Variants in CCDC149 observed in about 807,000 individuals in gnomAD.
The protein encoded by CCDC149 is coiled-coil domain-containing protein 149.
Under a neutral mutation model 59.9 loss-of-function variants are expected in CCDC149, and 45 were observed. The observed-to-expected ratio is 0.75, with a 90% confidence interval of 0.59 to 0.96. CCDC149 has a LOEUF of 0.96. Among genes scored for constraint, CCDC149 ranks in the 40% least tolerant of loss-of-function variants. The probability of loss-of-function intolerance (pLI) is 0.00; values close to 1 mark genes in which losing one functional copy is unlikely to be tolerated. For synonymous variants in CCDC149, 245 were observed against 260.6 expected (o/e 0.94, Z 0.58); for missense variants, 584 against 664.7 (o/e 0.88, Z 1.33).
chr4:24,852,320 A>T (rs1717716999), intron 4 of CCDC149, among the ~76,000 whole-genome samples: 1 of 151,046 alleles, frequency 6.6e-6, no homozygotes, highest in Non-Finnish European at 1.5e-5. Context: ...ACACACACAC[A>T]CACACACACA....
At chr4:24,875,260 G>A (rs1272592544) in intron 2 of CCDC149, among the ~76,000 whole-genome samples, 1 of 151,860 alleles carries the variant, frequency 6.6e-6, no homozygotes, top group Non-Finnish European at 1.5e-5. Context: ...AACCTGGGAG[G>A]CGGAGCTTGC....
chr4:24,946,322 C>CT (rs1431630000), intron 1 of CCDC149, among the ~76,000 whole-genome samples: 1 of 152,122 alleles, frequency 6.6e-6, no homozygotes, highest in East Asian at 1.9e-4. Flanking sequence ...CAATAAATCC[C>CT]TTTTTGTAAA....
intron 1 of CCDC149, among the ~76,000 whole-genome samples, chr4:24,931,869 T>C (rs1722603923): frequency 4.5e-5 from 2 of 44,632 alleles, no homozygotes; most frequent in African/African-American, 8.7e-5. Flanking sequence ...TCCATATCCA[T>C]GTCTATATAA....
At chr4:24,866,430 G>A (rs761788440) in intron 3 of CCDC149, among the ~76,000 whole-genome samples, 1 of 152,138 alleles carries the variant, frequency 6.6e-6, no homozygotes, top group African/African-American at 2.4e-5. Flanking sequence ...ATTAACCCGA[G>A]ATAATTTAAT....
chr4:24,870,477 C>A (rs1718973097), intron 3 of CCDC149, among the ~76,000 whole-genome samples: 1 of 152,294 alleles, frequency 6.6e-6, no homozygotes, highest in East Asian at 1.9e-4. Context: ...TGGTTCCAAC[C>A]CAGGCAGGGA....
At chr4:24,974,233 C>T (rs1724078042) in intron 1 of CCDC149, among the ~76,000 whole-genome samples, 1 of 152,190 alleles carries the variant, frequency 6.6e-6, no homozygotes. Flanking sequence ...TTGAGACTCA[C>T]AAGCTTAGGA....
Position 24,912,799 on chromosome 4 carries a change from C to T in CCDC149, c.63+18G>A. ...GCTCGGCCCGGCCCATCCCGCCTGG[C>T]CGGCGCCGCGGCCTCACCTCGCTCA... On this transcript the variant is annotated intron_variant, in intron 1 of 12. Coordinates refer to ENST00000635206, the MANE Select transcript of CCDC149 (RefSeq NM_001330643.2). The T allele has an allele frequency of 7.6e-7, 1 of 1,314,978 alleles. No individual in the cohort carries two copies. The highest frequency in any genetic ancestry group is 9.8e-7 in the Non-Finnish European group (1 of 1,019,260). 81.5% of individuals were successfully genotyped at this position (1,314,978 alleles called of 1,614,324 possible).
At chr4:24,939,163 C>G (rs1480726698) in intron 1 of CCDC149, among the ~76,000 whole-genome samples, 1 of 152,198 alleles carries the variant, frequency 6.6e-6, no homozygotes, top group Non-Finnish European at 1.5e-5. Flanking sequence ...CGGACTGACA[C>G]CTCACACGGC....
At chr4:24,869,556 T>G (rs762410804) in intron 3 of CCDC149, among the ~76,000 whole-genome samples, 21 of 152,210 alleles carry the variant, frequency 1.4e-4, no homozygotes, top group Non-Finnish European at 2.1e-4. Context: ...CCAAGAGCTG[T>G]GCTGGACAGA....
chr4:24,841,533 G>A (rs959955520), intron 4 of CCDC149, among the ~76,000 whole-genome samples: 2 of 152,184 alleles, frequency 1.3e-5, no homozygotes, highest in African/African-American at 2.4e-5. Flanking sequence ...TTAAAAGTGA[G>A]GCCCAAGTTG....
chr4:24,839,415 G>C (rs1716796508), intron 4 of CCDC149, among the ~76,000 whole-genome samples: 1 of 152,118 alleles, frequency 6.6e-6, no homozygotes, highest in South Asian at 2.1e-4. Context: ...TCCTGACCTT[G>C]TGATCCGCCT....
chr4:24,807,887 C>G lies in CCDC149; in HGVS notation c.*502G>C, dbSNP rs1401834889. On this transcript the variant is annotated 3_prime_UTR_variant, in exon 13 of 13. Coordinates refer to ENST00000635206, the MANE Select transcript of CCDC149 (RefSeq NM_001330643.2). The stretch of plus-strand genomic sequence containing the variant: ...ACCCATGCCAGGCAGTCCTCCTGGG[C>G]CCTGACTTGATGGGGTGCAGCCATG... The G allele has an allele frequency of 6.6e-6, 1 of 152,354 alleles. No homozygotes were observed. The allele number at this position is 152,354 out of a possible 1,614,324, so 9.4% of individuals were successfully genotyped here.
intron 1 of CCDC149, among the ~76,000 whole-genome samples, chr4:24,935,334 T>C (rs1160645265): frequency 6.6e-6 from 1 of 152,106 alleles, no homozygotes; most frequent in Non-Finnish European, 1.5e-5. Context: ...AAATTTGGGG[T>C]AAGGGGTAGT....
At chr4:24,978,707 C>A (rs1026840306) in intron 1 of CCDC149, among the ~76,000 whole-genome samples, 1 of 152,170 alleles carries the variant, frequency 6.6e-6, no homozygotes, top group Non-Finnish European at 1.5e-5. Flanking sequence ...CGCCACCCAC[C>A]GCCCACCAGA....
At chr4:24,827,230 TA>T (rs1715808996) in intron 9 of CCDC149, 1 of 152,234 alleles carries the variant, frequency 6.6e-6, no homozygotes, top group Non-Finnish European at 1.5e-5. Context: ...TGAAGGTCTT[TA>T]AGGAAAGCCT....
At chr4:24,948,991 A>C (rs1314622552) in intron 1 of CCDC149, among the ~76,000 whole-genome samples, 24 of 152,184 alleles carry the variant, frequency 1.6e-4, no homozygotes. Flanking sequence ...CAGCCACGTG[A>C]AACTGTGAGT....
intron 1 of CCDC149, among the ~76,000 whole-genome samples, chr4:24,963,058 C>T (rs931740835): frequency 2.0e-5 from 3 of 151,806 alleles, no homozygotes; most frequent in Non-Finnish European, 4.4e-5. Context: ...CACCTGAAAA[C>T]CTTGTGGCAA....
chr4:24,861,671 G>A (rs749297706), intron 3 of CCDC149, among the ~76,000 whole-genome samples: 11 of 152,180 alleles, frequency 7.2e-5, no homozygotes, highest in Non-Finnish European at 1.5e-4. Flanking sequence ...AAGCTGAGGA[G>A]CATCTGTGTA....
intron 1 of CCDC149, among the ~76,000 whole-genome samples, chr4:24,931,200 AT>A (rs1722574833): frequency 1.3e-5 from 2 of 149,822 alleles, no homozygotes; most frequent in South Asian, 4.2e-4. Context: ...ATATATATAT[AT>A]GTATATGTAT....
Sources: allele counts gnomAD v4.1 joint callset (sites outside exome capture counted in the v4.1 genomes callset), GRCh38; gene constraint gnomAD v4.1.1; transcripts MANE v1.5; gene names NCBI Gene and HGNC (gene_info 2026-07-23, HGNC 2026-07-21).